Variants in WLS observed in about 807,000 individuals in gnomAD.
WLS encodes the protein Wnt ligand secretion mediator, also known as protein wntless homolog.
Under a neutral mutation model 62.8 loss-of-function variants are expected in WLS, and 23 were observed. The ratio of observed to expected loss-of-function variants is 0.37; its 90% CI spans 0.26 to 0.52. The LOEUF is 0.52. Among genes scored for constraint, WLS ranks in the 20% least tolerant of loss-of-function variants. WLS has a pLI of 0.92. For missense variants in WLS, 615 were observed against 697.3 expected, an observed-to-expected ratio of 0.88 and a Z score of 1.33; for synonymous variants, 246 against 244.1, an observed-to-expected ratio of 1.01 and a Z score of -0.07.
At chr1:68,178,248 T>A (rs17130548) in intron 2 of WLS, among the ~76,000 whole-genome samples, 1,556 of 152,304 alleles carry the variant, frequency 0.01, 25 homozygotes, top group African/African-American at 0.036. Flanking sequence ...CTCCTTTGGG[T>A]ACTTAATGCA....
intron 1 of WLS, among the ~76,000 whole-genome samples, chr1:68,207,597 C>T (rs1041615499): frequency 2.0e-5 from 3 of 152,144 alleles, no homozygotes; most frequent in East Asian, 1.9e-4. Context: ...TTCACAGGAA[C>T]GGTGCTTTAT....
chr1:68,159,906 A>C (rs566029355), intron 2 of WLS, among the ~76,000 whole-genome samples: 14 of 152,294 alleles, frequency 9.2e-5, no homozygotes, highest in African/African-American at 3.4e-4. Flanking sequence ...AATAATACAT[A>C]ATTGCACAAA....
At chr1:68,172,379 T>C (rs892256411) in intron 2 of WLS, among the ~76,000 whole-genome samples, 1 of 151,252 alleles carries the variant, frequency 6.6e-6, no homozygotes, top group Non-Finnish European at 1.5e-5. Flanking sequence ...TATATAGAAA[T>C]AGGATTTGGA....
At chr1:68,106,579 C>T (rs2100307665) in intron 11 of WLS, among the ~76,000 whole-genome samples, 1 of 152,284 alleles carries the variant, frequency 6.6e-6, no homozygotes, top group Admixed American at 6.5e-5. Flanking sequence ...CCTTGCAAAC[C>T]TAGGTACCTG....
intron 1 of WLS, among the ~76,000 whole-genome samples, chr1:68,208,408 G>A (rs1348823329): frequency 6.6e-6 from 1 of 152,100 alleles, no homozygotes; most frequent in African/African-American, 2.4e-5. Context: ...TTTTCATGAT[G>A]CACAATCAAA....
At chr1:68,169,680 C>G (rs1647117640) in intron 2 of WLS, among the ~76,000 whole-genome samples, 1 of 152,212 alleles carries the variant, frequency 6.6e-6, no homozygotes, top group African/African-American at 2.4e-5. Context: ...CCATTATCTC[C>G]AGCCTCCATG....
intron 10 of WLS, chr1:68,141,718 T>C (rs1205029671): frequency 6.6e-6 from 1 of 152,172 alleles, no homozygotes; most frequent in Non-Finnish European, 1.5e-5. Context: ...CTGGGATCCA[T>C]TTCAAAAAGT....
chr1:68,141,458 C>T (rs1489967770), intron 10 of WLS: 1 of 152,212 alleles, frequency 6.6e-6, no homozygotes, highest in Non-Finnish European at 1.5e-5. Flanking sequence ...CTGCGATGTA[C>T]CATCTCTTGG....
intron 1 of WLS, among the ~76,000 whole-genome samples, chr1:68,231,281 C>G (rs1438520373): frequency 6.6e-6 from 1 of 152,054 alleles, no homozygotes; most frequent in Non-Finnish European, 1.5e-5. Flanking sequence ...GAGGTGCACG[C>G]CAGGGGAGGT....
At chr1:68,105,659 C>A (rs1409557892) in intron 11 of WLS, among the ~76,000 whole-genome samples, 3 of 152,152 alleles carry the variant, frequency 2.0e-5, no homozygotes, top group African/African-American at 7.2e-5. Context: ...AAACTACCTA[C>A]CACGTATAAA....
At chr1:68,223,827 C>G (rs1650035024) in intron 1 of WLS, among the ~76,000 whole-genome samples, 1 of 152,156 alleles carries the variant, frequency 6.6e-6, no homozygotes, top group Non-Finnish European at 1.5e-5. Context: ...TTTCTCTCCA[C>G]TAAATGACGC....
chr1:68,161,246 A>G lies in WLS; in HGVS notation c.380-1999T>C, dbSNP rs368640258. On this transcript the variant is annotated intron_variant, in intron 2 of 11. Coordinates refer to ENST00000262348, the MANE Select transcript of WLS (RefSeq NM_024911.7). ...AGGAGCCTGTACTGTCTTCAATCCT[A>G]TGCGAGCAAGTGTCTACCACAGGCA... Among the ~76,000 whole-genome samples the G allele has an allele frequency of 3.9e-5, 6 of 152,304 alleles. No individual in the cohort carries two copies. The East Asian group carries it at 5.8e-4, about 15-fold the overall frequency.
At position 68,098,704 on chromosome 1, in the gene WLS, C is replaced by T. The variant is rs141228692; in HGVS notation, c.1560G>A (p.Ser520=). 115 of 1,613,698 alleles carry T rather than the reference C, an allele frequency of 7.1e-5. 1 individual carries two copies. The highest frequency in any genetic ancestry group is 1.6e-4 in the Middle Eastern group (1 of 6,080). ...CGCTGAACAATTCTTGATAAAGTTC[C>T]GAAACAAACAAAGCACAATCTTCCC... is the stretch of plus-strand genomic sequence containing the variant. Residue 520 remains serine (S), a synonymous_variant, in exon 12 of 12, where the codon TCG becomes TCA. Coordinates refer to the WLS transcript ENST00000354777.
intron 6 of WLS, 126 bp downstream of exon 6, chr1:68,150,062 C>A: frequency 4.0e-6 from 4 of 995,016 alleles, no homozygotes; most frequent in Non-Finnish European, 5.9e-6. Context: ...CCAGAGTTCC[C>A]ACTTGTAACT....
intron 1 of WLS, among the ~76,000 whole-genome samples, chr1:68,227,783 C>T (rs1282085057): frequency 6.6e-6 from 1 of 152,120 alleles, no homozygotes; most frequent in Admixed American, 6.5e-5. Flanking sequence ...TCTCACCAGA[C>T]ACCCAAATAC....
intron 1 of WLS, among the ~76,000 whole-genome samples, chr1:68,229,955 G>A (rs1381949577): frequency 1.3e-5 from 2 of 152,182 alleles, no homozygotes; most frequent in Non-Finnish European, 2.9e-5. Flanking sequence ...GACTTTTTGA[G>A]GTTGTCGTCA....
intron 6 of WLS, among the ~76,000 whole-genome samples, chr1:68,149,810 G>A (rs1242225721): frequency 6.6e-6 from 1 of 152,190 alleles, no homozygotes; most frequent in African/African-American, 2.4e-5. Flanking sequence ...CAGGGCAGAA[G>A]CCAGCAGACA....
intron 11 of WLS, among the ~76,000 whole-genome samples, chr1:68,132,346 C>A (rs1646539356): frequency 6.6e-6 from 1 of 152,160 alleles, no homozygotes; most frequent in African/African-American, 2.4e-5. Context: ...CAAGACCAAT[C>A]CCATCAGTGC....
chr1:68,147,996 T>C (rs1030249670), intron 8 of WLS, 140 bp downstream of exon 8: 19 of 869,400 alleles, frequency 2.2e-5, no homozygotes, highest in Non-Finnish European at 7.4e-6. Context: ...TTAGCCTTAA[T>C]TGTGCTGTTA....
Sources: gnomAD v4.1 joint callset for allele counts (sites outside exome capture counted in the v4.1 genomes callset) on GRCh38, gnomAD v4.1.1 for gene constraint, MANE v1.5 for transcripts, NCBI Gene and HGNC (gene_info 2026-07-23, HGNC 2026-07-21) for gene names.